CFI: variants seen among roughly 807,000 people sequenced by gnomAD.
CFI encodes complement factor I.
A neutral mutation model predicts 78.8 loss-of-function variants in CFI; 66 were observed. That is an observed-to-expected ratio of 0.84 (90% CI 0.69 to 1.03). CFI has a LOEUF of 1.03. CFI is among the 50% of genes least tolerant of loss of function. The pLI, the probability that CFI is intolerant of heterozygous loss-of-function variation, is 0.00. For synonymous variants in CFI, 250 were observed against 232.6 expected, an observed-to-expected ratio of 1.07 and a Z score of -0.68; for missense variants, 706 against 704.5, an observed-to-expected ratio of 1.00 and a Z score of -0.02.
chr4:109,766,925 T>C (rs2126224957), intron 1 of CFI, 101 bp from the exon 2 acceptor site: 1 of 1,154,834 alleles, frequency 8.7e-7, no homozygotes, highest in African/African-American at 1.5e-5. Context: ...CAGCCCACAG[T>C]ACAGATGAGG....
intron 7 of CFI, 37 bp from the exon 8 acceptor site, chr4:109,752,540 T>A: frequency 6.5e-7 from 1 of 1,539,704 alleles, no homozygotes; most frequent in Non-Finnish European, 9.0e-7. Context: ...TTTAAAGTTG[T>A]TAATTATAGT....
At chr4:109,786,773 G>A (rs1434528060) in intron 1 of CFI, among the ~76,000 whole-genome samples, 2 of 152,040 alleles carry the variant, frequency 1.3e-5, no homozygotes, top group African/African-American at 4.8e-5. Context: ...GATAGTGTGA[G>A]GATCAGATGA....
At chr4:109,781,456 A>G (rs1730022968) in intron 1 of CFI, among the ~76,000 whole-genome samples, 1 of 152,166 alleles carries the variant, frequency 6.6e-6, no homozygotes, top group African/African-American at 2.4e-5. Flanking sequence ...AGCTTAAATG[A>G]GGAAGAATTA....
At chr4:109,752,392 T>C in intron 8 of CFI, 76 bp downstream of exon 8, 2 of 1,281,832 alleles carry the variant, frequency 1.6e-6, no homozygotes, top group Non-Finnish European at 2.3e-6. Flanking sequence ...TTGAATCAAT[T>C]ATATATATGC....
Position 109,750,490 on chromosome 4 carries a change from G to A in CFI, c.941-888C>T, listed in dbSNP as rs184932056. On this transcript the variant is annotated intron_variant, in intron 8 of 12. Coordinates refer to ENST00000394634, the MANE Select transcript of CFI (RefSeq NM_000204.5). ...GTGACCCCGGGACAAGTGGGTTAGC[G>A]GGCTGGGGAGTGTTTTTTAGCCATT... Among the ~76,000 whole-genome samples the A allele has an allele frequency of 2.1e-3, 322 of 152,132 alleles. 1 individual carries two copies. Among genetic ancestry groups the A allele is most frequent in the African/African-American group, 7.1e-3 (293 of 41,496 alleles).
rs192770902 is a variant in CFI at position 109,781,889 on chromosome 4, G to A, written c.58-15065C>T. Among the ~76,000 whole-genome samples, 168 of 152,068 alleles carry A rather than the reference G, an allele frequency of 1.1e-3. 1 individual carries two copies. The highest frequency in any genetic ancestry group is 3.9e-3 in the African/African-American group (161 of 41,528). On this transcript the variant is annotated intron_variant, in intron 1 of 12. Coordinates refer to ENST00000394634, the MANE Select transcript of CFI (RefSeq NM_000204.5). ...TCAATAAATGTGATACACAACATAA[G>A]CAGAATGAAAAACCAAAGTCACATG...
intron 1 of CFI, among the ~76,000 whole-genome samples, chr4:109,794,657 G>A (rs937394681): frequency 1.3e-5 from 2 of 152,020 alleles, no homozygotes. Context: ...GCTGGGTGTG[G>A]TGGTGGGCAC....
intron 1 of CFI, among the ~76,000 whole-genome samples, chr4:109,786,437 G>T (rs1009165082): frequency 2.6e-5 from 4 of 151,902 alleles, no homozygotes; most frequent in African/African-American, 9.7e-5. Context: ...TTAGATGGTC[G>T]TTCATTAGAA....
chr4:109,758,452 A>T (rs1401969466), intron 6 of CFI, among the ~76,000 whole-genome samples: 1 of 152,174 alleles, frequency 6.6e-6, no homozygotes. Context: ...TAGGTACATA[A>T]GGAATATTTT....
intron 7 of CFI, among the ~76,000 whole-genome samples, chr4:109,756,895 AAGAAAGAAAGAAAGAAAGAAAG>A (rs1236214641): frequency 6.9e-4 from 17 of 24,700 alleles, no homozygotes; most frequent in Middle Eastern, 0.026. Flanking sequence ...AAAGGAAAGA[AAGAAAGAAAGAAAGAAAGAAAG>A]AAAGAAAGAA....
At position 109,749,583 on chromosome 4, in the gene CFI, T is replaced by C; in HGVS notation, c.960A>G (p.Ser320=). 6.2e-7 allele frequency: 1 copy of C among 1,604,926 alleles called. No individual in the cohort carries two copies. Among genetic ancestry groups the C allele is most frequent in the Non-Finnish European group, 8.5e-7 (1 of 1,171,642 alleles). Reference sequence around the variant, plus strand: ...CTCCACAAGATAGTTTAGGTAATAATGATTTTATCCGTCTTCTTTCTTCAA... The same window carrying C: ...CTCCACAAGATAGTTTAGGTAATAACGATTTTATCCGTCTTCTTTCTTCAA... ...DMDAERRRIK[S]LLPKLSCGVK... The change falls in exon 9 of 13, where the codon TCA becomes TCG. Residue 320 remains serine, a synonymous_variant. Coordinates refer to ENST00000394634, the MANE Select transcript of CFI (RefSeq NM_000204.5).
chr4:109,778,405 C>T (rs1395487530), intron 1 of CFI, among the ~76,000 whole-genome samples: 1 of 152,162 alleles, frequency 6.6e-6, no homozygotes, highest in Non-Finnish European at 1.5e-5. Flanking sequence ...TTCCTGGACA[C>T]ATACACCCTC....
At chr4:109,785,484 G>A (rs1275857921) in intron 1 of CFI, among the ~76,000 whole-genome samples, 1 of 151,822 alleles carries the variant, frequency 6.6e-6, no homozygotes, top group Non-Finnish European at 1.5e-5. Flanking sequence ...CACATATTCA[G>A]AAATTTATTT....
chr4:109,741,862 C>T (rs1579152238), intron 12 of CFI: 1 of 156,564 alleles, frequency 6.4e-6, no homozygotes, highest in Non-Finnish European at 1.4e-5. Flanking sequence ...CTGGCTGGTA[C>T]TTTGCCTGCC....
downstream of CFI, among the ~76,000 whole-genome samples, chr4:109,735,858 C>T (rs993998034): frequency 3.3e-5 from 5 of 152,236 alleles, no homozygotes; most frequent in Admixed American, 6.5e-5. Flanking sequence ...TAGCTTGAAG[C>T]AGGCTTACAG....
chr4:109,787,325 AAG>A (rs1730866897), intron 1 of CFI, among the ~76,000 whole-genome samples: 1 of 152,094 alleles, frequency 6.6e-6, no homozygotes, highest in South Asian at 2.1e-4. Flanking sequence ...TTTCCATTGA[AAG>A]AGTTTTAGGC....
chr4:109,767,387 C>A (rs987918137), intron 1 of CFI, among the ~76,000 whole-genome samples: 3 of 151,336 alleles, frequency 2.0e-5, no homozygotes, highest in Admixed American at 6.6e-5. Flanking sequence ...ACTCATCTGA[C>A]AAAGGGCTAA....
chr4:109,766,731 A>G lies in CFI; in HGVS notation c.151T>C (p.Trp51Arg), dbSNP rs764739067. The change falls in exon 2 of 13, where the codon TGG (tryptophan) becomes CGG (arginine). Residue 51 changes from tryptophan (W) to arginine (R), a missense_variant. Physicochemically the swap from Trp to Arg is moderately radical, Grantham distance 101 (BLOSUM62 -3). Transcript: ENST00000394634. ...LSCDKVFCQP[W>R]QRCIEGTCVC... ...CAGGTGCCCTCAATGCATCTCTGCCATGGCTGGCAGAAGACTTTATCGCAG... is the reference window on the plus strand; with the variant it reads ...CAGGTGCCCTCAATGCATCTCTGCCGTGGCTGGCAGAAGACTTTATCGCAG... 16 of 1,614,092 alleles carry G rather than the reference A, an allele frequency of 9.9e-6. No homozygotes were observed. The highest frequency in any genetic ancestry group is 7.7e-5 in the South Asian group (7 of 91,092).
chr4:109,731,351 A>T, the CFI span, among the ~76,000 whole-genome samples: 1 of 152,200 alleles, frequency 6.6e-6, no homozygotes, highest in African/African-American at 2.4e-5. Flanking sequence ...CTCTAAAAAA[A>T]AAAGAAAGTG....
Sources: allele counts gnomAD v4.1 joint callset (sites outside exome capture counted in the v4.1 genomes callset), GRCh38; gene constraint gnomAD v4.1.1; transcripts MANE v1.5; gene names NCBI Gene and HGNC (gene_info 2026-07-23, HGNC 2026-07-21).